The following SUMF1 variants were observed in gnomAD, a reference collection of about 807,000 sequenced individuals.
The protein encoded by SUMF1 is formylglycine-generating enzyme.
In SUMF1, 48 loss-of-function variants were observed where a neutral mutation model predicts 47.6. That is an observed-to-expected ratio of 1.01 (90% CI 0.80 to 1.28). The LOEUF is 1.28. SUMF1 is among the 50% of genes most tolerant of loss of function. The pLI is 0.00. For synonymous variants in SUMF1, 230 were observed against 192.1 expected (o/e 1.20, Z -1.63); for missense variants, 571 against 485.4 (o/e 1.18, Z -1.66).
intron 8 of SUMF1, among the ~76,000 whole-genome samples, chr3:4,215,087 A>G (rs1429095172): frequency 6.6e-6 from 1 of 152,198 alleles, no homozygotes; most frequent in Non-Finnish European, 1.5e-5. Flanking sequence ...TGGCAGAGAC[A>G]CAACAAAAAA....
intron 8 of SUMF1, among the ~76,000 whole-genome samples, chr3:4,344,310 G>T (rs1341141475): frequency 1.3e-5 from 2 of 152,190 alleles, no homozygotes; most frequent in Non-Finnish European, 2.9e-5. Flanking sequence ...CGAGGGCAGA[G>T]CTCCCAGAAG....
chr3:4,145,029 C>T (rs1022065159), intron 8 of SUMF1, among the ~76,000 whole-genome samples: 1 of 151,876 alleles, frequency 6.6e-6, no homozygotes, highest in Non-Finnish European at 1.5e-5. Context: ...GAAACCCCAT[C>T]TCTACTAAAA....
chr3:4,234,452 C>G (rs893209566), intron 8 of SUMF1, among the ~76,000 whole-genome samples: 1 of 152,062 alleles, frequency 6.6e-6, no homozygotes, highest in Admixed American at 6.6e-5. Context: ...ATAATGCTAA[C>G]TCCCTATGTA....
At chr3:4,092,163 A>G (rs542465581) in intron 8 of SUMF1, among the ~76,000 whole-genome samples, 8 of 152,192 alleles carry the variant, frequency 5.3e-5, no homozygotes, top group Non-Finnish European at 8.8e-5. Context: ...GTCCTGCTCC[A>G]TAGCTCACTA....
intron 8 of SUMF1, among the ~76,000 whole-genome samples, chr3:4,209,996 G>A (rs1695744932): frequency 6.6e-6 from 1 of 152,156 alleles, no homozygotes; most frequent in African/African-American, 2.4e-5. Flanking sequence ...CTGGGTTCAA[G>A]CAATTCTCCT....
chr3:4,287,419 ATCTT>A (rs1697655157), intron 8 of SUMF1, among the ~76,000 whole-genome samples: 1 of 151,738 alleles, frequency 6.6e-6, no homozygotes, highest in South Asian at 2.1e-4. Flanking sequence ...AAAAAAAAAA[ATCTT>A]TCACACATTT....
At chr3:4,394,137 G>C (rs1700966254) in intron 7 of SUMF1, among the ~76,000 whole-genome samples, 1 of 151,884 alleles carries the variant, frequency 6.6e-6, no homozygotes, top group Admixed American at 6.6e-5. Context: ...TTTTTTAAAA[G>C]AGTGTTTAGC....
At chr3:4,363,754 C>T (rs1403224351) in intron 8 of SUMF1, among the ~76,000 whole-genome samples, 1 of 119,402 alleles carries the variant, frequency 8.4e-6, no homozygotes, top group African/African-American at 3.2e-5. Context: ...GAACTTCCAA[C>T]ACTATGTTGA....
intron 9 of SUMF1, among the ~76,000 whole-genome samples, chr3:4,064,529 T>A (rs1202228036): frequency 6.6e-6 from 1 of 152,148 alleles, no homozygotes; most frequent in East Asian, 1.9e-4. Context: ...ATACTCTGCC[T>A]ATGGAGTAGG....
intron 3 of SUMF1, among the ~76,000 whole-genome samples, chr3:4,421,829 A>T (rs1393155438): frequency 6.6e-6 from 1 of 152,066 alleles, no homozygotes; most frequent in Non-Finnish European, 1.5e-5. Context: ...AAAGAAAGTG[A>T]CTCAAGGTTA....
At chr3:4,060,345 G>A (rs1367652847) in intron 9 of SUMF1, among the ~76,000 whole-genome samples, 1 of 152,134 alleles carries the variant, frequency 6.6e-6, no homozygotes, top group Non-Finnish European at 1.5e-5. Context: ...TAGGATTCCT[G>A]GTTTGGAATC....
intron 8 of SUMF1, among the ~76,000 whole-genome samples, chr3:4,095,374 C>T (rs1302028386): frequency 6.6e-6 from 1 of 152,048 alleles, no homozygotes; most frequent in African/African-American, 2.4e-5. Context: ...TCCATGGCTG[C>T]AGAAAATCTA....
At chr3:4,406,951 A>G (rs955705200) in intron 7 of SUMF1, among the ~76,000 whole-genome samples, 10 of 152,174 alleles carry the variant, frequency 6.6e-5, no homozygotes, top group Non-Finnish European at 1.5e-5. Flanking sequence ...GCAAATAACC[A>G]CAAACTACAT....
intron 7 of SUMF1, among the ~76,000 whole-genome samples, chr3:4,408,287 T>G (rs1162879880): frequency 6.6e-6 from 1 of 152,180 alleles, no homozygotes; most frequent in East Asian, 1.9e-4. Flanking sequence ...TAAAACATAT[T>G]GACGATATCA....
At chr3:4,411,677 G>C (rs1018756291) in intron 6 of SUMF1, among the ~76,000 whole-genome samples, 2 of 137,974 alleles carry the variant, frequency 1.4e-5, no homozygotes, top group Non-Finnish European at 1.5e-5. Flanking sequence ...AAAGTGCAGA[G>C]TTTTTATAAA....
chr3:4,399,036 T>C (rs1701124091), intron 7 of SUMF1, among the ~76,000 whole-genome samples: 1 of 151,900 alleles, frequency 6.6e-6, no homozygotes, highest in Admixed American at 6.6e-5. Context: ...AAAAAATGAG[T>C]CCAAGACCAC....
At chr3:4,464,478 T>A (rs755048294) in intron 1 of SUMF1, among the ~76,000 whole-genome samples, 1 of 152,060 alleles carries the variant, frequency 6.6e-6, no homozygotes, top group Non-Finnish European at 1.5e-5. Context: ...ATGTGGGTAG[T>A]GTATGGGTCT....
intron 8 of SUMF1, among the ~76,000 whole-genome samples, chr3:4,175,293 C>CA (rs1694934149): frequency 6.6e-6 from 1 of 152,102 alleles, no homozygotes; most frequent in South Asian, 2.1e-4. Flanking sequence ...GGTCGACAGT[C>CA]ACCTCATACA....
Position 4,183,992 on chromosome 3 carries a change from G to A in SUMF1, c.1015-115247C>T, listed in dbSNP as rs147185585. Among the ~76,000 whole-genome samples, 525 of 151,944 alleles carry A rather than the reference G, an allele frequency of 3.5e-3. 4 individuals are homozygous for A. Among genetic ancestry groups the A allele is most frequent in the African/African-American group, 0.012 (489 of 41,442 alleles). On this transcript the variant is annotated intron_variant and NMD_transcript_variant, in intron 8 of 12. Coordinates refer to the SUMF1 transcript ENST00000448413. The stretch of plus-strand genomic sequence containing the variant: ...TTAAAAAAATATACAAAAATTAGTC[G>A]GGCATTGTGGCACATGCCTGCAGTC...
Sources: allele counts gnomAD v4.1 joint callset (sites outside exome capture counted in the v4.1 genomes callset), GRCh38; gene constraint gnomAD v4.1.1; transcripts MANE v1.5; gene names NCBI Gene and HGNC (gene_info 2026-07-23, HGNC 2026-07-21).